Variants in ASIC2 observed in about 807,000 individuals in gnomAD.
The protein encoded by ASIC2 is acid-sensing ion channel 2.
A neutral mutation model predicts 57.3 loss-of-function variants in ASIC2; 25 were observed. The observed-to-expected ratio is 0.44, with a 90% confidence interval of 0.32 to 0.61. The LOEUF (loss-of-function observed/expected upper bound fraction) is 0.61. ASIC2 is among the 20% of genes least tolerant of loss of function. ASIC2 has a pLI of 0.06. For synonymous variants in ASIC2, 319 were observed against 307.5 expected (o/e 1.04, Z -0.39); for missense variants, 641 against 738.1 (o/e 0.87, Z 1.52).
intron 1 of ASIC2, among the ~76,000 whole-genome samples, chr17:33,688,613 A>C (rs1345674000): frequency 6.6e-6 from 1 of 152,216 alleles, no homozygotes; most frequent in Admixed American, 6.5e-5. Context: ...ACCTGATAAT[A>C]AAATGTTTGT....
At chr17:34,136,282 G>T (rs1912123128) in intron 1 of ASIC2, among the ~76,000 whole-genome samples, 1 of 152,162 alleles carries the variant, frequency 6.6e-6, no homozygotes, top group Admixed American at 6.5e-5. Flanking sequence ...AAATGGCCCT[G>T]CAAAGCCATC....
intron 1 of ASIC2, among the ~76,000 whole-genome samples, chr17:33,151,201 G>T (rs200951989): frequency 1.5e-5 from 2 of 132,272 alleles, no homozygotes; most frequent in East Asian, 4.8e-4. Context: ...ACACACACAC[G>T]CGCGCACACA....
rs552572480 is a variant in ASIC2, at chr17:33,351,087, G to T, written c.556-239020C>A. Among the ~76,000 whole-genome samples, 3 of 152,282 alleles carry T rather than the reference G, an allele frequency of 2.0e-5. No individual in the cohort carries two copies. In the East Asian group the frequency reaches 5.8e-4, roughly 29 times the overall value. On this transcript the variant is annotated intron_variant, in intron 1 of 9. Coordinates refer to the ASIC2 transcript ENST00000359872. ...TAGCCTTTGGTGTCAGAAAGCCCTT[G>T]AGTTGCTTATCAAATATGTGACTTG...
At chr17:33,606,690 T>G (rs1015811608) in intron 1 of ASIC2, among the ~76,000 whole-genome samples, 5 of 152,184 alleles carry the variant, frequency 3.3e-5, no homozygotes, top group African/African-American at 1.2e-4. Context: ...ATTTACTGAT[T>G]CATGAATGAA....
intron 3 of ASIC2, among the ~76,000 whole-genome samples, chr17:33,069,476 T>G (rs1285173876): frequency 6.6e-6 from 1 of 152,206 alleles, no homozygotes; most frequent in Non-Finnish European, 1.5e-5. Context: ...GATTTTTTTT[T>G]GCAGTTCTAT....
Position 33,924,258 on chromosome 17 carries a change from G to C in ASIC2, c.555+231720C>G, listed in dbSNP as rs183493927. Among the ~76,000 whole-genome samples, 47 of 152,304 alleles carry C rather than the reference G, an allele frequency of 3.1e-4. No individual in the cohort carries two copies. In the East Asian group the frequency reaches 7.9e-3, roughly 26 times the overall value. On this transcript the variant is annotated intron_variant, in intron 1 of 9. Coordinates refer to the ASIC2 transcript ENST00000359872. ...GGAACAGCCCAGCGTGCTCCTCCTGGGGTTCTCCCCAACCCTGGAGTGAGG... is the reference window on the plus strand; with the variant it reads ...GGAACAGCCCAGCGTGCTCCTCCTGCGGTTCTCCCCAACCCTGGAGTGAGG...
chr17:33,726,657 C>T (rs559647572), intron 1 of ASIC2, among the ~76,000 whole-genome samples: 1 of 152,326 alleles, frequency 6.6e-6, no homozygotes, highest in East Asian at 1.9e-4. Context: ...TTCCTTCTCC[C>T]TCAGCTGAAA....
At chr17:33,034,592 A>T (rs2091901229) in intron 3 of ASIC2, among the ~76,000 whole-genome samples, 1 of 152,214 alleles carries the variant, frequency 6.6e-6, no homozygotes, top group African/African-American at 2.4e-5. Flanking sequence ...TTTTGGCTGT[A>T]GATAGAATTC....
intron 1 of ASIC2, among the ~76,000 whole-genome samples, chr17:33,957,670 G>C (rs890822056): frequency 6.6e-6 from 1 of 152,084 alleles, no homozygotes; most frequent in Non-Finnish European, 1.5e-5. Context: ...CCCATGACAC[G>C]TGGGGATTAT....
chr17:34,112,046 G>C (rs1911293831), intron 1 of ASIC2, among the ~76,000 whole-genome samples: 1 of 151,846 alleles, frequency 6.6e-6, no homozygotes, highest in African/African-American at 2.4e-5. Flanking sequence ...TTTTTTTTAA[G>C]GTATTAGTAA....
intron 1 of ASIC2, among the ~76,000 whole-genome samples, chr17:34,040,734 C>A (rs1908099759): frequency 6.6e-6 from 1 of 152,102 alleles, no homozygotes; most frequent in Admixed American, 6.5e-5. Flanking sequence ...CTCTCCCCTT[C>A]CCCAGCCTCA....
At chr17:33,471,114 T>C (rs1476269723) in intron 1 of ASIC2, among the ~76,000 whole-genome samples, 1 of 152,232 alleles carries the variant, frequency 6.6e-6, no homozygotes, top group Non-Finnish European at 1.5e-5. Context: ...CAATACTCAC[T>C]GTGGATAGAT....
intron 1 of ASIC2, among the ~76,000 whole-genome samples, chr17:33,549,518 C>A (rs1915682256): frequency 6.6e-6 from 1 of 152,018 alleles, no homozygotes; most frequent in African/African-American, 2.4e-5. Context: ...CCTGCTTTAA[C>A]CTGCTTCATG....
chr17:34,039,010 T>TTATCTC (rs1907997887), intron 1 of ASIC2: 2 of 1,614,076 alleles, frequency 1.2e-6, no homozygotes, highest in Non-Finnish European at 1.7e-6. Flanking sequence ...TTGCATGCTC[T>TTATCTC]TATCTCTACA....
chr17:33,367,720 A>AAAAC (rs1908871293), intron 1 of ASIC2, among the ~76,000 whole-genome samples: 3 of 152,228 alleles, frequency 2.0e-5, no homozygotes, highest in Non-Finnish European at 2.9e-5. Context: ...ACTCAGGGCA[A>AAAAC]TTGATAAAGA....
rs572606782 is a variant in ASIC2, at chr17:33,545,548, T to C, written c.556-433481A>G. 5.3e-5 allele frequency among the ~76,000 whole-genome samples: 8 copies of C among 152,314 alleles called. No individual in the cohort carries two copies. In the East Asian group the frequency reaches 1.5e-3, roughly 29 times the overall value. On this transcript the variant is annotated intron_variant, in intron 1 of 9. Transcript: ENST00000359872. ...ACAAGAGAAACATCTGCTTCATTTT[T>C]GGCCACTTCTTTCTCCCCAGCCACC...
chr17:33,528,186 G>GTGTGTGTGTGTGTGTGTGTGTGTGTGT lies in ASIC2; in HGVS notation c.556-416120_556-416119insACACACACACACACACACACACACACA. On this transcript the variant is annotated intron_variant, in intron 1 of 9. Transcript: ENST00000359872. ...GTGGTAGGTGTGTGTGTGTGTGTGT[G>GTGTGTGTGTGTGTGTGTGTGTGTGTGT]GTTTCCAGCTGTGATCCTATAGGAC... is the stretch of plus-strand genomic sequence containing the variant. 6.6e-5 allele frequency among the ~76,000 whole-genome samples: 10 copies of GTGTGTGTGTGTGTGTGTGTGTGTGTGT among 151,730 alleles called. No individual in the cohort carries two copies. The East Asian group carries it at 7.8e-4, about 12-fold the overall frequency.
chr17:34,100,446 T>C (rs1910823057), intron 1 of ASIC2, among the ~76,000 whole-genome samples: 1 of 152,172 alleles, frequency 6.6e-6, no homozygotes, highest in African/African-American at 2.4e-5. Context: ...ACTCATTCAT[T>C]ATTAAAACAC....
At chr17:33,782,804 C>T (rs1348330476) in intron 1 of ASIC2, among the ~76,000 whole-genome samples, 1 of 152,168 alleles carries the variant, frequency 6.6e-6, no homozygotes, top group African/African-American at 2.4e-5. Flanking sequence ...CCTTCAGTGC[C>T]TTCCTACATG....
Sources: allele counts gnomAD v4.1 joint callset (sites outside exome capture counted in the v4.1 genomes callset), GRCh38; gene constraint gnomAD v4.1.1; transcripts MANE v1.5; gene names NCBI Gene and HGNC (gene_info 2026-07-23, HGNC 2026-07-21).